The following CCR3 variants were observed in gnomAD, a reference collection of about 807,000 sequenced individuals.
CCR3 encodes the protein C-C chemokine receptor type 3.
For synonymous variants in CCR3, 203 were observed against 179.2 expected, an observed-to-expected ratio of 1.13 and a Z score of -1.06; for missense variants, 419 against 437.5, an observed-to-expected ratio of 0.96 and a Z score of 0.38.
chr3:46,252,487 C>G (rs1404281862), intron 1 of CCR3, among the ~76,000 whole-genome samples: 3 of 152,064 alleles, frequency 2.0e-5, no homozygotes, highest in Non-Finnish European at 4.4e-5. Context: ...CCAAGTGTCT[C>G]TCTTATCAGA....
At chr3:46,248,324 G>A (rs1700237838) in intron 1 of CCR3, among the ~76,000 whole-genome samples, 1 of 152,220 alleles carries the variant, frequency 6.6e-6, no homozygotes, top group African/African-American at 2.4e-5. Context: ...TATGAGAAAT[G>A]TAGAGAGTGA....
At chr3:46,222,372 T>A (rs1699847335) in intron 2 of CCR3, among the ~76,000 whole-genome samples, 1 of 152,176 alleles carries the variant, frequency 6.6e-6, no homozygotes, top group Non-Finnish European at 1.5e-5. Context: ...ACAGGCAGCC[T>A]GGTTGCGTTA....
intron 2 of CCR3, among the ~76,000 whole-genome samples, chr3:46,214,388 C>T (rs73833004): frequency 6.6e-6 from 1 of 152,116 alleles, no homozygotes; most frequent in Non-Finnish European, 1.5e-5. Flanking sequence ...AGGATCCCAA[C>T]CTCTCTCACT....
At chr3:46,243,002 T>TATATATATATATATATATATATACAC (rs56773457) in intron 1 of CCR3, among the ~76,000 whole-genome samples, 18 of 123,736 alleles carry the variant, frequency 1.5e-4, no homozygotes, top group African/African-American at 5.2e-4. Flanking sequence ...TATATATATA[T>TATATATATATATATATATATATACAC]ACGCACACAC....
At chr3:46,253,453 C>T (rs1265363962) in intron 1 of CCR3, among the ~76,000 whole-genome samples, 1 of 152,144 alleles carries the variant, frequency 6.6e-6, no homozygotes, top group Admixed American at 6.6e-5. Context: ...TTGGCTTCTT[C>T]AACTCATCTT....
chr3:46,221,770 A>G (rs1699839554), intron 2 of CCR3, among the ~76,000 whole-genome samples: 1 of 152,278 alleles, frequency 6.6e-6, no homozygotes, highest in South Asian at 2.1e-4. Context: ...TGAAATGCAC[A>G]TTCACTTCTT....
chr3:46,223,442 C>T (rs187539082), intron 2 of CCR3, among the ~76,000 whole-genome samples: 2 of 152,360 alleles, frequency 1.3e-5, no homozygotes, highest in East Asian at 1.9e-4. Flanking sequence ...CATCTTTTCT[C>T]TCCAGCTAAA....
intron 2 of CCR3, among the ~76,000 whole-genome samples, chr3:46,234,082 A>G (rs1453726617): frequency 6.6e-6 from 1 of 152,264 alleles, no homozygotes; most frequent in Non-Finnish European, 1.5e-5. Context: ...TCAGGCCGGC[A>G]CTGCTCAGAG....
At chr3:46,245,884 GT>G (rs772788982) in intron 1 of CCR3, among the ~76,000 whole-genome samples, 1 of 152,058 alleles carries the variant, frequency 6.6e-6, no homozygotes, top group African/African-American at 2.4e-5. Context: ...GACACTATCT[GT>G]TTTTTTATGG....
intron 2 of CCR3, among the ~76,000 whole-genome samples, chr3:46,215,919 AC>A (rs1699769125): frequency 6.6e-6 from 1 of 152,162 alleles, no homozygotes; most frequent in South Asian, 2.1e-4. Flanking sequence ...CTGAGACCCA[AC>A]CTGCAGCTTC....
intron 2 of CCR3, among the ~76,000 whole-genome samples, chr3:46,217,660 G>C (rs1199482011): frequency 6.6e-6 from 1 of 151,892 alleles, no homozygotes; most frequent in Non-Finnish European, 1.5e-5. Flanking sequence ...AAGTTAAAAG[G>C]AACTGCCAAA....
At chr3:46,245,759 T>C (rs1430216115) in intron 1 of CCR3, among the ~76,000 whole-genome samples, 1 of 152,174 alleles carries the variant, frequency 6.6e-6, no homozygotes, top group African/African-American at 2.4e-5. Context: ...TTTGTGTTCA[T>C]GAGTTCTCAT....
intron 1 of CCR3, among the ~76,000 whole-genome samples, chr3:46,245,191 T>A (rs1700167170): frequency 6.6e-6 from 1 of 151,958 alleles, no homozygotes; most frequent in African/African-American, 2.4e-5. Flanking sequence ...TGGGAAATGT[T>A]TGTGGCTGGA....
At chr3:46,216,871 A>C (rs75631589) in intron 2 of CCR3, among the ~76,000 whole-genome samples, 1,887 of 152,318 alleles carry the variant, frequency 0.012, 39 homozygotes, top group African/African-American at 0.042. Context: ...TTGTGAAATA[A>C]AACCTCAAAA....
intron 2 of CCR3, among the ~76,000 whole-genome samples, chr3:46,230,981 G>A (rs2125925129): frequency 6.6e-6 from 1 of 152,310 alleles, no homozygotes; most frequent in East Asian, 1.9e-4. Flanking sequence ...CTGGAGTGCA[G>A]TGGCGCGATC....
Position 46,265,139 on chromosome 3 carries a change from C to T in CCR3, c.-11-9C>T. 6.5e-7 allele frequency: 1 copy of T among 1,536,820 alleles called. No homozygotes were observed. Among genetic ancestry groups the T allele is most frequent in the Admixed American group, 1.8e-5 (1 of 56,090 alleles). ...ATTGTGGGATTGTATTTTTCTTCTT[C>T]TATCACAGGGAGAAGTGAAATGACA... On this transcript the variant is annotated splice_polypyrimidine_tract_variant and intron_variant, in intron 1 of 1. Transcript: ENST00000395940.
At chr3:46,218,257 G>T (rs1255252176) in intron 2 of CCR3, among the ~76,000 whole-genome samples, 3 of 151,816 alleles carry the variant, frequency 2.0e-5, no homozygotes, top group African/African-American at 7.3e-5. Flanking sequence ...CACCCTCCTA[G>T]ATTAAACCAG....
intron 1 of CCR3, among the ~76,000 whole-genome samples, chr3:46,244,555 C>A (rs113676185): frequency 1.3e-5 from 2 of 151,994 alleles, no homozygotes; most frequent in African/African-American, 4.8e-5. Flanking sequence ...TGTTCTCTGG[C>A]GGGCAGGAGT....
chr3:46,224,734 CAA>C (rs901561258), intron 2 of CCR3, among the ~76,000 whole-genome samples: 62 of 47,474 alleles, frequency 1.3e-3, no homozygotes, highest in African/African-American at 3.9e-3. Flanking sequence ...AAGACTCTGT[CAA>C]AAAAAAAAAA....
Sources: gnomAD v4.1 joint callset for allele counts (sites outside exome capture counted in the v4.1 genomes callset) on GRCh38, gnomAD v4.1.1 for gene constraint, MANE v1.5 for transcripts, NCBI Gene and HGNC (gene_info 2026-07-23, HGNC 2026-07-21) for gene names.